Variants in NR3C1 observed in about 807,000 individuals in gnomAD.
NR3C1 encodes glucocorticoid receptor.
In NR3C1, 14 loss-of-function variants were observed where a neutral mutation model predicts 74.0. The observed-to-expected ratio is 0.19, with a 90% CI of 0.12 to 0.30. The LOEUF (loss-of-function observed/expected upper bound fraction) is 0.30, where lower values mean the gene tolerates loss of function less well. Ranked by LOEUF, NR3C1 falls within the 10% of genes least tolerant of loss-of-function variation. The probability of loss-of-function intolerance (pLI) is 1.00; values close to 1 mark genes in which losing one functional copy is unlikely to be tolerated. For missense variants in NR3C1, 695 were observed against 909.8 expected, an observed-to-expected ratio of 0.76 and a Z score of 3.04; for synonymous variants, 308 against 332.5, an observed-to-expected ratio of 0.93 and a Z score of 0.80.
At chr5:143,296,624 ACAAT>A (rs1309935749) in intron 6 of NR3C1, among the ~76,000 whole-genome samples, 3 of 152,096 alleles carry the variant, frequency 2.0e-5, no homozygotes, top group South Asian at 2.1e-4. Flanking sequence ...AAAAACAACA[ACAAT>A]TTTTTTTTCC....
At position 143,281,843 on chromosome 5, in the gene NR3C1, G is replaced by C. The variant is rs1220010843; in HGVS notation, c.*46C>G. On this transcript the variant is annotated 3_prime_UTR_variant, in exon 9 of 9. Coordinates refer to ENST00000394464, the MANE Select transcript of NR3C1 (RefSeq NM_000176.3). ...CAAACTGATAGTTTATACAATAAAA[G>C]CTATTAATTCGACTTTCTTTAAGGC... The C allele has an allele frequency of 1.3e-6, 2 of 1,554,414 alleles. No homozygotes were observed. Among genetic ancestry groups the C allele is most frequent in the Non-Finnish European group, 1.8e-6 (2 of 1,127,368 alleles).
intron 2 of NR3C1, among the ~76,000 whole-genome samples, chr5:143,387,769 A>G (rs1837511661): frequency 1.3e-5 from 2 of 152,220 alleles, no homozygotes; most frequent in Admixed American, 6.5e-5. Context: ...GTTATATACT[A>G]TAGACAGAAT....
chr5:143,345,055 A>T (rs1486483089), intron 2 of NR3C1, among the ~76,000 whole-genome samples: 1 of 152,086 alleles, frequency 6.6e-6, no homozygotes, highest in African/African-American at 2.4e-5. Context: ...GCATGTCTGA[A>T]GGGTCCCAGT....
At chr5:143,424,630 T>C (rs1047872719) in intron 1 of NR3C1, among the ~76,000 whole-genome samples, 1 of 152,154 alleles carries the variant, frequency 6.6e-6, no homozygotes, top group Admixed American at 6.6e-5. Flanking sequence ...GGCATTATAG[T>C]CTAATTAGTG....
At chr5:143,344,199 A>G (rs1021743463) in intron 2 of NR3C1, among the ~76,000 whole-genome samples, 3 of 152,202 alleles carry the variant, frequency 2.0e-5, no homozygotes, top group Non-Finnish European at 2.9e-5. Context: ...ATTAGGTAAG[A>G]GAGAAAAAGT....
At position 143,403,230 on chromosome 5, in the gene NR3C1, C is replaced by A. The variant is rs1440165377; in HGVS notation, c.-33G>T. 1 of 985,484 alleles carries A rather than the reference C, an allele frequency of 1.0e-6. No homozygotes were observed. The highest frequency in any genetic ancestry group is 1.7e-5 in the African/African-American group (1 of 57,310). The allele number at this position is 985,484 out of a possible 1,614,324, so 61.0% of individuals were successfully genotyped here. On this transcript the variant is annotated 5_prime_UTR_variant, in exon 1 of 9. The change creates a premature stop within an existing upstream ORF in the 5' untranslated region. Transcript: ENST00000394464. ...TCTTACCTCTGGCAGAGGAGCCGCT[C>A]GCCCGCCACCGTCCGCAGTTCCCGC...
chr5:143,295,651 C>A, intron 6 of NR3C1, 61 bp from the exon 7 acceptor site: 1 of 1,446,894 alleles, frequency 6.9e-7, no homozygotes, highest in Non-Finnish European at 9.7e-7. Flanking sequence ...CCAAAAAGCA[C>A]ATTTTTGTTT....
chr5:143,308,228 C>T (rs1326709579), intron 4 of NR3C1, among the ~76,000 whole-genome samples: 2 of 152,026 alleles, frequency 1.3e-5, no homozygotes, highest in Non-Finnish European at 2.9e-5. Flanking sequence ...TGGGAGGCCA[C>T]GTTGGGAGGA....
In NR3C1 at chr5:143,279,100, G is replaced by T; in HGVS notation, c.*2789C>A. 2.3e-6 allele frequency: 1 copy of T among 438,830 alleles called. No homozygotes were observed. Among genetic ancestry groups the T allele is most frequent in the Non-Finnish European group, 4.0e-6 (1 of 250,770 alleles). The allele number at this position is 438,830 out of a possible 1,614,324, so 27.2% of individuals were successfully genotyped here. On this transcript the variant is annotated 3_prime_UTR_variant, in exon 9 of 9. Coordinates refer to ENST00000394464, the MANE Select transcript of NR3C1 (RefSeq NM_000176.3). ...AACTTCAACAGTTTGGGTTGGGATG[G>T]CCAGATAACACATACATAGGAAATA...
At chr5:143,342,522 A>G (rs1600124754) in intron 2 of NR3C1, among the ~76,000 whole-genome samples, 1 of 152,210 alleles carries the variant, frequency 6.6e-6, no homozygotes, top group South Asian at 2.1e-4. Flanking sequence ...TTATGGAAAA[A>G]CATTTGCTGA....
intron 2 of NR3C1, among the ~76,000 whole-genome samples, chr5:143,338,042 T>C (rs1049688810): frequency 6.6e-6 from 1 of 152,322 alleles, no homozygotes; most frequent in East Asian, 1.9e-4. Context: ...TGTATGGTCA[T>C]GCACGACATA....
chr5:143,416,675 A>G (rs921108936), intron 1 of NR3C1, among the ~76,000 whole-genome samples: 2 of 152,092 alleles, frequency 1.3e-5, no homozygotes, highest in African/African-American at 2.4e-5. Flanking sequence ...GGTCTAAAAC[A>G]TGGGGGTGTT....
intron 8 of NR3C1, 65 bp downstream of exon 8, chr5:143,282,503 T>C (rs1435575480): frequency 2.2e-5 from 35 of 1,587,528 alleles, no homozygotes; most frequent in Non-Finnish European, 2.8e-5. Flanking sequence ...TATAATTATA[T>C]TCACTAATCA....
chr5:143,283,966 C>T (rs1039730165), intron 7 of NR3C1, among the ~76,000 whole-genome samples: 2 of 152,160 alleles, frequency 1.3e-5, no homozygotes, highest in African/African-American at 4.8e-5. Context: ...TGTGCACTCT[C>T]CAGAGAGGGG....
intron 7 of NR3C1, among the ~76,000 whole-genome samples, chr5:143,284,443 CT>C (rs1303310392): frequency 3.6e-5 from 5 of 139,498 alleles, no homozygotes; most frequent in African/African-American, 1.3e-4. Context: ...TAACGGCATT[CT>C]ATATTAACAA....
At chr5:143,324,205 C>A (rs1824049623) in intron 2 of NR3C1, among the ~76,000 whole-genome samples, 1 of 152,228 alleles carries the variant, frequency 6.6e-6, no homozygotes, top group Admixed American at 6.5e-5. Flanking sequence ...TCTGCACTGC[C>A]CTAGCAAAGG....
At position 143,400,019 on chromosome 5, in the gene NR3C1, G is replaced by C; in HGVS notation, c.821C>G (p.Pro274Arg). ...VLSSPSNVTLPQVKTEKEDFI... is the reference protein window; with the variant it reads ...VLSSPSNVTLRQVKTEKEDFI... The stretch of plus-strand genomic sequence containing the variant: ...ATCTTCTTTTTCTGTTTTCACTTGG[G>C]GCAGTGTTACATTACTGGGGCTTGA... Residue 274 changes from proline to arginine, a missense_variant, in exon 2 of 9, where the codon CCC (proline) becomes CGC (arginine). Pro to Arg is a moderately radical substitution (Grantham distance 103). Coordinates refer to ENST00000394464, the MANE Select transcript of NR3C1 (RefSeq NM_000176.3). 1 of 1,614,124 alleles carries C rather than the reference G, an allele frequency of 6.2e-7. No individual in the cohort carries two copies. The highest frequency in any genetic ancestry group is 8.5e-7 in the Non-Finnish European group (1 of 1,180,042).
chr5:143,363,960 C>T (rs770896700), intron 2 of NR3C1, among the ~76,000 whole-genome samples: 9 of 151,662 alleles, frequency 5.9e-5, no homozygotes, highest in Non-Finnish European at 1.2e-4. Flanking sequence ...ACAGAAGGAG[C>T]GGAAAGGGGC....
rs1840771409 is a variant in NR3C1, at chr5:143,403,587, TGGA to T, written c.-393_-391del. 1.0e-6 allele frequency: 1 copy of T among 985,640 alleles called. No individual in the cohort carries two copies. Among genetic ancestry groups the T allele is most frequent in the Non-Finnish European group, 1.2e-6 (1 of 830,332 alleles). 61.1% of individuals were successfully genotyped at this position (985,640 alleles called of 1,614,324 possible). On this transcript the variant is annotated 5_prime_UTR_variant, in exon 1 of 9. Transcript: ENST00000394464. Reference sequence around the variant, plus strand: ...CCGTCACAGACACGAGCTCGCAAAATGGAGGAGGCGGCGGCGGAGGGAAGAGAG... The same window carrying T: ...CCGTCACAGACACGAGCTCGCAAAATGGAGGCGGCGGCGGAGGGAAGAGAG...
Sources: gnomAD v4.1 joint callset for allele counts (sites outside exome capture counted in the v4.1 genomes callset) on GRCh38, gnomAD v4.1.1 for gene constraint, MANE v1.5 for transcripts, NCBI Gene and HGNC (gene_info 2026-07-23, HGNC 2026-07-21) for gene names.